FOCAD: variants seen among roughly 807,000 people sequenced by gnomAD.
FOCAD encodes focadhesin, also known as KIAA1797.
A neutral mutation model predicts 225.6 loss-of-function variants in FOCAD; 198 were observed. That is an observed-to-expected ratio of 0.88 (90% confidence interval 0.78 to 0.99). FOCAD has a LOEUF of 0.99. Among genes scored for constraint, FOCAD ranks in the 50% least tolerant of loss-of-function variants. FOCAD has a pLI of 0.00. For synonymous variants in FOCAD, 897 were observed against 755.0 expected (o/e 1.19, Z -3.08); for missense variants, 2,713 against 2,123.6 (o/e 1.28, Z -5.46).
At chr9:20,880,249 A>G (rs1470435829) in intron 19 of FOCAD, among the ~76,000 whole-genome samples, 1 of 152,220 alleles carries the variant, frequency 6.6e-6, no homozygotes, top group Non-Finnish European at 1.5e-5. Context: ...CTCACAAGAG[A>G]TGGTAAACCG....
chr9:20,993,434 A>G, intron 43 of FOCAD, 106 bp downstream of exon 43: 1 of 914,188 alleles, frequency 1.1e-6, no homozygotes, highest in Non-Finnish European at 1.7e-6. Context: ...TCTTACCCGA[A>G]ATGCTTGGGA....
chr9:20,913,586 T>C (rs1304342659), intron 23 of FOCAD, among the ~76,000 whole-genome samples: 1 of 152,182 alleles, frequency 6.6e-6, no homozygotes, highest in Non-Finnish European at 1.5e-5. Context: ...CAACCACAGG[T>C]TGCTTTAATC....
intron 18 of FOCAD, among the ~76,000 whole-genome samples, chr9:20,870,532 C>T (rs576736412): frequency 6.6e-6 from 1 of 152,166 alleles, no homozygotes. Context: ...AAAAGTGATA[C>T]ATATTAGGTA....
chr9:20,769,056 C>G (rs1037755318), intron 7 of FOCAD, among the ~76,000 whole-genome samples: 1 of 151,982 alleles, frequency 6.6e-6, no homozygotes, highest in East Asian at 1.9e-4. Flanking sequence ...TATTTTAAAT[C>G]CGTCTCTTCT....
At chr9:20,887,621 T>A (rs80026350) in intron 21 of FOCAD, among the ~76,000 whole-genome samples, 2,416 of 152,332 alleles carry the variant, frequency 0.016, 60 homozygotes, top group African/African-American at 0.047. Flanking sequence ...TTTCAATGAT[T>A]AAGACTAAAG....
chr9:20,794,291 A>G (rs1055248811), intron 11 of FOCAD, among the ~76,000 whole-genome samples: 26 of 152,238 alleles, frequency 1.7e-4, no homozygotes, highest in African/African-American at 6.3e-4. Context: ...AATCCTACCA[A>G]GAGAAAGAAG....
At chr9:20,904,220 G>A (rs994452639) in intron 21 of FOCAD, among the ~76,000 whole-genome samples, 1 of 151,906 alleles carries the variant, frequency 6.6e-6, no homozygotes, top group Non-Finnish European at 1.5e-5. Flanking sequence ...TATGAACATC[G>A]ATATACATGG....
intron 15 of FOCAD, among the ~76,000 whole-genome samples, chr9:20,855,794 CTTTT>C (rs369187873): frequency 7.6e-6 from 1 of 131,816 alleles, no homozygotes. Flanking sequence ...CCCCTATATT[CTTTT>C]TTTTTTTTTT....
intron 1 of FOCAD, among the ~76,000 whole-genome samples, chr9:20,691,941 T>A (rs561830675): frequency 2.0e-5 from 3 of 151,998 alleles, no homozygotes; most frequent in Non-Finnish European, 2.9e-5. Context: ...ACCAGGCTAA[T>A]TTTTTTATTT....
Position 20,765,034 on chromosome 9 carries a change from G to T in FOCAD, c.660G>T (p.Gln220His). 6.2e-7 allele frequency: 1 copy of T among 1,614,078 alleles called. No individual in the cohort carries two copies. Among genetic ancestry groups the T allele is most frequent in the Non-Finnish European group, 8.5e-7 (1 of 1,179,998 alleles). Residue 220 changes from glutamine (Q) to histidine (H), a missense_variant, in exon 7 of 44, where the codon CAG becomes CAT. Gln to His is a conservative substitution (Grantham distance 24, BLOSUM62 0). Coordinates refer to ENST00000338382, the MANE Select transcript of FOCAD (RefSeq NM_001375567.1). ...DKDQPSILEQ[Q>H]ILQLCCDIVP... ...ATCAACCATCAATACTGGAACAGCA[G>T]ATACTTCAACTGTGTTGTGACATAG... is the stretch of plus-strand genomic sequence containing the variant.
At chr9:20,900,557 T>C (rs1832471270) in intron 21 of FOCAD, among the ~76,000 whole-genome samples, 1 of 151,936 alleles carries the variant, frequency 6.6e-6, no homozygotes, top group African/African-American at 2.4e-5. Flanking sequence ...TTCAGTGTCA[T>C]CTTTATTTTA....
chr9:20,940,281 C>A (rs1474093888), intron 28 of FOCAD, among the ~76,000 whole-genome samples: 1 of 144,352 alleles, frequency 6.9e-6, no homozygotes, highest in African/African-American at 2.5e-5. Flanking sequence ...GTGCAGTTCT[C>A]CCTTTTTTTT....
intron 4 of FOCAD, among the ~76,000 whole-genome samples, chr9:20,734,696 G>A (rs190270349): frequency 6.6e-6 from 1 of 151,864 alleles, no homozygotes; most frequent in Admixed American, 6.6e-5. Context: ...CCAGGCTGGA[G>A]TGCAGTGGCG....
chr9:20,758,472 G>C (rs779112072), intron 6 of FOCAD, among the ~76,000 whole-genome samples: 1 of 151,440 alleles, frequency 6.6e-6, no homozygotes, highest in South Asian at 2.1e-4. Context: ...CCATTAACTC[G>C]TCATTTAGCA....
intron 10 of FOCAD, among the ~76,000 whole-genome samples, chr9:20,786,607 C>T (rs1169644785): frequency 6.6e-6 from 1 of 152,172 alleles, no homozygotes; most frequent in African/African-American, 2.4e-5. Flanking sequence ...CTGTTTTAGT[C>T]ACTATTATAG....
intron 11 of FOCAD, among the ~76,000 whole-genome samples, chr9:20,805,282 GTGAA>G (rs1822300904): frequency 6.6e-6 from 1 of 152,184 alleles, no homozygotes; most frequent in African/African-American, 2.4e-5. Flanking sequence ...ATTTTCAGAA[GTGAA>G]TGAATAACTA....
intron 11 of FOCAD, among the ~76,000 whole-genome samples, chr9:20,815,540 A>C (rs1387429222): frequency 2.8e-5 from 4 of 141,608 alleles, no homozygotes; most frequent in African/African-American, 7.8e-5. Context: ...TCCTTTCAGC[A>C]CTTTAAATAT....
chr9:20,940,119 C>T (rs1046883496), intron 28 of FOCAD, among the ~76,000 whole-genome samples: 1 of 152,026 alleles, frequency 6.6e-6, no homozygotes, highest in African/African-American at 2.4e-5. Flanking sequence ...GACTTCCTGT[C>T]CAGTTAGTGG....
intron 1 of FOCAD, among the ~76,000 whole-genome samples, chr9:20,688,403 C>T (rs780669099): frequency 4.6e-5 from 7 of 151,930 alleles, no homozygotes; most frequent in Non-Finnish European, 7.4e-5. Flanking sequence ...TATGACTTGC[C>T]GAGATAGGAA....
Sources: gnomAD v4.1 joint callset for allele counts (sites outside exome capture counted in the v4.1 genomes callset) on GRCh38, gnomAD v4.1.1 for gene constraint, MANE v1.5 for transcripts, NCBI Gene and HGNC (gene_info 2026-07-23, HGNC 2026-07-21) for gene names.